BMPER: variants seen among roughly 807,000 people sequenced by gnomAD.
BMPER encodes BMP-binding endothelial regulator protein.
A neutral mutation model predicts 87.3 loss-of-function variants in BMPER; 45 were observed. The observed-to-expected ratio is 0.52, with a 90% CI of 0.41 to 0.66. The LOEUF (loss-of-function observed/expected upper bound fraction) is 0.66, where lower values mean the gene tolerates loss of function less well. Among genes scored for constraint, BMPER ranks in the 30% least tolerant of loss-of-function variants. The pLI is 0.00. For missense variants in BMPER, 784 were observed against 867.5 expected (o/e 0.90, Z 1.21); for synonymous variants, 326 against 316.2 (o/e 1.03, Z -0.33).
At chr7:33,930,080 C>T (rs961223841) in intron 2 of BMPER, among the ~76,000 whole-genome samples, 2 of 152,230 alleles carry the variant, frequency 1.3e-5, no homozygotes, top group Non-Finnish European at 2.9e-5. Flanking sequence ...ATCTCTTGGA[C>T]TAAACTCAGT....
intron 6 of BMPER, among the ~76,000 whole-genome samples, chr7:34,000,993 AT>A (rs1226132298): frequency 6.6e-6 from 1 of 151,866 alleles, no homozygotes; most frequent in Non-Finnish European, 1.5e-5. Flanking sequence ...CTTTATATTA[AT>A]TTTCATATTT....
rs1231901185 is a variant in BMPER, at chr7:34,155,822, A to G, written c.*2549A>G. 1.3e-5 allele frequency: 2 copies of G among 152,206 alleles called. No individual in the cohort carries two copies. Among genetic ancestry groups the G allele is most frequent in the Non-Finnish European group, 2.9e-5 (2 of 68,044 alleles). 9.4% of individuals were successfully genotyped at this position (152,206 alleles called of 1,614,324 possible). ...GATGTTTTCAATTGGTTCTTCAACT[A>G]AGCTCTTGCAGAGTGAGATGACTTG... On this transcript the variant is annotated 3_prime_UTR_variant, in exon 15 of 15. Transcript: ENST00000649409.
chr7:34,077,785 T>G (rs1230385022), intron 11 of BMPER, among the ~76,000 whole-genome samples: 2 of 152,248 alleles, frequency 1.3e-5, no homozygotes, highest in African/African-American at 4.8e-5. Flanking sequence ...CTGTCTTGAC[T>G]CAATTCTTCC....
rs1033592069 is a variant in BMPER, at chr7:33,976,373, G to A, written c.576+1589G>A. Among the ~76,000 whole-genome samples, 21 of 151,988 alleles carry A rather than the reference G, an allele frequency of 1.4e-4. 1 individual carries two copies. The highest frequency in any genetic ancestry group is 2.9e-4 in the African/African-American group (12 of 41,390). On this transcript the variant is annotated intron_variant, in intron 6 of 14. Transcript: ENST00000649409. ...CCACCATGTCAGCCAGGCTGGTCTC[G>A]AACTCCTGACCTCAAGTGATCTACC...
intron 11 of BMPER, 111 bp from the exon 12 acceptor site, chr7:34,078,746 C>T (rs1788931230): frequency 1.8e-6 from 2 of 1,102,226 alleles, no homozygotes; most frequent in Admixed American, 1.8e-5. Context: ...AAGTTGATTT[C>T]CCTTAGTGCA....
At chr7:34,004,519 T>C (rs1428963933) in intron 6 of BMPER, among the ~76,000 whole-genome samples, 1 of 152,176 alleles carries the variant, frequency 6.6e-6, no homozygotes, top group African/African-American at 2.4e-5. Context: ...TAACATAATA[T>C]AGCAAGTCTG....
At chr7:33,916,402 T>C (rs1784087479) in intron 2 of BMPER, among the ~76,000 whole-genome samples, 1 of 152,204 alleles carries the variant, frequency 6.6e-6, no homozygotes, top group African/African-American at 2.4e-5. Flanking sequence ...GTCAAACAAG[T>C]GACCAGTGGG....
chr7:34,042,272 T>G (rs147835608), intron 6 of BMPER, among the ~76,000 whole-genome samples: 1 of 152,238 alleles, frequency 6.6e-6, no homozygotes, highest in Admixed American at 6.5e-5. Context: ...AATGACCATC[T>G]CTCTAAAGAA....
At chr7:34,136,628 A>G (rs752795434) in intron 13 of BMPER, among the ~76,000 whole-genome samples, 9 of 152,056 alleles carry the variant, frequency 5.9e-5, no homozygotes, top group Non-Finnish European at 1.0e-4. Flanking sequence ...CACTTCTATG[A>G]CCTTCCTAGA....
At chr7:33,965,345 G>A (rs1024056063) in intron 3 of BMPER, among the ~76,000 whole-genome samples, 1 of 151,904 alleles carries the variant, frequency 6.6e-6, no homozygotes, top group East Asian at 1.9e-4. Flanking sequence ...AACATCTATT[G>A]AATTTTTTCT....
chr7:33,926,254 G>A (rs775309951), intron 2 of BMPER, among the ~76,000 whole-genome samples: 40 of 152,280 alleles, frequency 2.6e-4, no homozygotes, highest in Middle Eastern at 3.4e-3. Context: ...TGATTAACCT[G>A]CAGAAAAACC....
intron 6 of BMPER, among the ~76,000 whole-genome samples, chr7:33,991,088 G>T (rs1309711263): frequency 2.1e-5 from 3 of 146,302 alleles, no homozygotes; most frequent in South Asian, 4.5e-4. Flanking sequence ...TTTTTTGGTT[G>T]TGTCTCTGCC....
chr7:34,107,521 G>A (rs777127642), intron 13 of BMPER, among the ~76,000 whole-genome samples: 6 of 152,170 alleles, frequency 3.9e-5, no homozygotes, highest in African/African-American at 1.4e-4. Context: ...CTGGCTAAGC[G>A]AGTCATTTGG....
chr7:34,028,287 T>A (rs1293763832), intron 6 of BMPER, among the ~76,000 whole-genome samples: 2 of 152,072 alleles, frequency 1.3e-5, no homozygotes, highest in Non-Finnish European at 2.9e-5. Context: ...TCACTAATTT[T>A]TTTTGTTTTG....
intron 6 of BMPER, among the ~76,000 whole-genome samples, chr7:33,992,061 T>C (rs1187557242): frequency 6.6e-6 from 1 of 151,860 alleles, no homozygotes; most frequent in Non-Finnish European, 1.5e-5. Context: ...TTGGAATAGG[T>C]GTGGTGTGGT....
chr7:33,915,514 A>G (rs973839123), intron 2 of BMPER, among the ~76,000 whole-genome samples: 4 of 152,144 alleles, frequency 2.6e-5, no homozygotes, highest in Non-Finnish European at 4.4e-5. Flanking sequence ...GTATGCCTGA[A>G]CGTATGTGTG....
chr7:33,942,926 T>G (rs1784803390), intron 3 of BMPER, among the ~76,000 whole-genome samples: 1 of 152,186 alleles, frequency 6.6e-6, no homozygotes, highest in Non-Finnish European at 1.5e-5. Context: ...GTTATTCGAT[T>G]GTGTAAGTAA....
intron 6 of BMPER, among the ~76,000 whole-genome samples, chr7:33,988,267 G>A (rs1234671939): frequency 6.6e-6 from 1 of 152,052 alleles, no homozygotes; most frequent in Non-Finnish European, 1.5e-5. Flanking sequence ...GACATTGATG[G>A]GAAATGCATT....
intron 6 of BMPER, among the ~76,000 whole-genome samples, chr7:34,025,326 G>A (rs983273741): frequency 6.6e-6 from 1 of 151,952 alleles, no homozygotes; most frequent in Non-Finnish European, 1.5e-5. Context: ...GTAGAGGGTA[G>A]GTTCTGCAAG....
Sources: allele counts gnomAD v4.1 joint callset (sites outside exome capture counted in the v4.1 genomes callset), GRCh38; gene constraint gnomAD v4.1.1; transcripts MANE v1.5; gene names NCBI Gene and HGNC (gene_info 2026-07-23, HGNC 2026-07-21).